TPRG1: variants seen among roughly 807,000 people sequenced by gnomAD.
The protein encoded by TPRG1 is tumor protein p63-regulated gene 1 protein.
A neutral mutation model predicts 29.3 loss-of-function variants in TPRG1; 29 were observed. The observed-to-expected ratio is 0.99, with a 90% CI of 0.74 to 1.35. The LOEUF (loss-of-function observed/expected upper bound fraction) is 1.35. Ranked by LOEUF, TPRG1 falls within the 40% of genes most tolerant of loss-of-function variation. The pLI is 0.00. For missense variants in TPRG1, 327 were observed against 335.0 expected (o/e 0.98, Z 0.19); for synonymous variants, 130 against 116.8 (o/e 1.11, Z -0.73).
intron 4 of TPRG1, among the ~76,000 whole-genome samples, chr3:189,031,722 G>T (rs777397343): frequency 1.3e-5 from 2 of 152,206 alleles, no homozygotes; most frequent in Non-Finnish European, 2.9e-5. Context: ...CTGTGGAGGA[G>T]TGGTTGAGAT....
At chr3:189,221,998 T>G (rs1281829717) in intron 3 of TPRG1, among the ~76,000 whole-genome samples, 3 of 152,014 alleles carry the variant, frequency 2.0e-5, no homozygotes, top group Non-Finnish European at 4.4e-5. Context: ...CCCAATACAG[T>G]GATCACTGCA....
chr3:189,114,887 C>G (rs1720989592), intron 1 of TPRG1, among the ~76,000 whole-genome samples: 1 of 152,198 alleles, frequency 6.6e-6, no homozygotes, highest in Admixed American at 6.5e-5. Flanking sequence ...CAGAAAATCT[C>G]AACTACAACA....
intron 4 of TPRG1, among the ~76,000 whole-genome samples, chr3:189,269,867 A>AT (rs1254949451): frequency 2.0e-5 from 3 of 152,080 alleles, no homozygotes; most frequent in South Asian, 2.1e-4. Flanking sequence ...AAATTCTAGC[A>AT]TTTTTTGGTT....
chr3:189,022,111 G>T (rs1009725530), intron 3 of TPRG1, among the ~76,000 whole-genome samples: 1 of 151,996 alleles, frequency 6.6e-6, no homozygotes. Flanking sequence ...CTCTGTATTG[G>T]TTATTCTAGT....
intron 4 of TPRG1, among the ~76,000 whole-genome samples, chr3:189,293,246 C>G (rs1280466461): frequency 6.6e-6 from 1 of 152,176 alleles, no homozygotes; most frequent in Non-Finnish European, 1.5e-5. Context: ...CTCCCAATTT[C>G]AACATTGTTA....
chr3:189,032,809 C>A (rs1328760079), intron 4 of TPRG1, among the ~76,000 whole-genome samples: 2 of 138,018 alleles, frequency 1.4e-5, no homozygotes, highest in Non-Finnish European at 3.0e-5. Flanking sequence ...CATGTGTTCT[C>A]ATTGTTCAAT....
At chr3:189,120,493 A>C (rs1721703488) in intron 1 of TPRG1, 1 of 152,196 alleles carries the variant, frequency 6.6e-6, no homozygotes, top group African/African-American at 2.4e-5. Flanking sequence ...AAAGGAAAAA[A>C]TATGTGAATC....
At chr3:189,019,546 G>A (rs1384974061) in intron 3 of TPRG1, among the ~76,000 whole-genome samples, 4 of 152,154 alleles carry the variant, frequency 2.6e-5, no homozygotes, top group East Asian at 3.8e-4. Flanking sequence ...ACTGATTTGC[G>A]TGTATTGAAC....
At chr3:189,312,702 G>A (rs1200130895) in intron 5 of TPRG1, among the ~76,000 whole-genome samples, 1 of 152,076 alleles carries the variant, frequency 6.6e-6, no homozygotes, top group Non-Finnish European at 1.5e-5. Context: ...ATCTTATTCT[G>A]TTATATATAA....
chr3:189,117,724 G>A (rs930373235), intron 1 of TPRG1, among the ~76,000 whole-genome samples: 8 of 152,174 alleles, frequency 5.3e-5, no homozygotes, highest in Admixed American at 5.2e-4. Context: ...TACCCTCGTT[G>A]TACTCATTCC....
At chr3:189,152,793 G>T (rs1726136745) in intron 5 of TPRG1, among the ~76,000 whole-genome samples, 1 of 150,616 alleles carries the variant, frequency 6.6e-6, no homozygotes, top group East Asian at 2.0e-4. Context: ...TAAAAAGTAG[G>T]ATTGCTACCT....
chr3:189,019,692 T>TC (rs1713181770), intron 3 of TPRG1, among the ~76,000 whole-genome samples: 1 of 151,986 alleles, frequency 6.6e-6, no homozygotes, highest in East Asian at 1.9e-4. Context: ...TCTAAAATTC[T>TC]CTTTTTTGGT....
intron 3 of TPRG1, among the ~76,000 whole-genome samples, chr3:189,229,911 A>T (rs1315279963): frequency 6.6e-6 from 1 of 152,232 alleles, no homozygotes; most frequent in Non-Finnish European, 1.5e-5. Context: ...GCTGCTTAAA[A>T]TAATAAAACA....
intron 4 of TPRG1, among the ~76,000 whole-genome samples, chr3:189,264,773 C>T (rs545823574): frequency 3.0e-4 from 45 of 152,184 alleles, no homozygotes; most frequent in Non-Finnish European, 4.6e-4. Context: ...TAAACAGTAA[C>T]TCCCTGATTT....
At chr3:189,041,234 C>A (rs1578230468) in intron 4 of TPRG1, among the ~76,000 whole-genome samples, 1 of 152,312 alleles carries the variant, frequency 6.6e-6, no homozygotes, top group African/African-American at 2.4e-5. Context: ...GAAAGAGGAT[C>A]ATTTCATAAG....
At chr3:189,265,289 G>T (rs1002516862) in intron 4 of TPRG1, among the ~76,000 whole-genome samples, 22 of 152,304 alleles carry the variant, frequency 1.4e-4, no homozygotes, top group African/African-American at 5.1e-4. Flanking sequence ...GTCATCACAT[G>T]ATGGGCCTGT....
intron 5 of TPRG1, among the ~76,000 whole-genome samples, chr3:189,166,954 T>C (rs1457389973): frequency 6.6e-6 from 1 of 152,196 alleles, no homozygotes; most frequent in Non-Finnish European, 1.5e-5. Flanking sequence ...TCTTCCCCTG[T>C]GGACCCCAAA....
At chr3:189,029,767 A>T (rs1218841997) in intron 4 of TPRG1, among the ~76,000 whole-genome samples, 1 of 152,170 alleles carries the variant, frequency 6.6e-6, no homozygotes, top group Non-Finnish European at 1.5e-5. Flanking sequence ...TCCCCTGGAT[A>T]ATGAGAGAAT....
chr3:189,257,959 C>T (rs1375346090), intron 4 of TPRG1, among the ~76,000 whole-genome samples: 3 of 152,126 alleles, frequency 2.0e-5, no homozygotes, highest in Non-Finnish European at 4.4e-5. Flanking sequence ...TCCTTTAGCT[C>T]GGAGGAGTTT....
Sources: allele counts gnomAD v4.1 joint callset (sites outside exome capture counted in the v4.1 genomes callset), GRCh38; gene constraint gnomAD v4.1.1; transcripts MANE v1.5; gene names NCBI Gene and HGNC (gene_info 2026-07-23, HGNC 2026-07-21).